Variants in LPP observed in about 807,000 individuals in gnomAD.
LPP encodes LIM domain containing preferred translocation partner in lipoma.
A neutral mutation model predicts 60.4 loss-of-function variants in LPP; 38 were observed. That is an observed-to-expected ratio of 0.63 (90% CI 0.49 to 0.83). The LOEUF (loss-of-function observed/expected upper bound fraction) is 0.83, where lower values mean the gene tolerates loss of function less well. Ranked by LOEUF, LPP falls within the 40% of genes least tolerant of loss-of-function variation. The pLI is 0.00. For missense variants in LPP, 902 were observed against 783.6 expected, an observed-to-expected ratio of 1.15 and a Z score of -1.80; for synonymous variants, 328 against 290.8, an observed-to-expected ratio of 1.13 and a Z score of -1.30.
At chr3:188,281,178 G>C (rs911627490) in intron 2 of LPP, among the ~76,000 whole-genome samples, 1 of 152,056 alleles carries the variant, frequency 6.6e-6, no homozygotes, top group African/African-American at 2.4e-5. Flanking sequence ...TCTTACTACT[G>C]TTTGTAGGAA....
chr3:188,302,313 T>G (rs928554918), intron 2 of LPP, among the ~76,000 whole-genome samples: 2 of 152,182 alleles, frequency 1.3e-5, no homozygotes, highest in African/African-American at 4.8e-5. Flanking sequence ...AACAGAGACT[T>G]GTTTGAATCT....
rs1023203019 is a variant in LPP, at chr3:188,610,850, C to T, written c.1113+1006C>T. 6.6e-6 allele frequency among the ~76,000 whole-genome samples: 1 copy of T among 152,106 alleles called. No individual in the cohort carries two copies. The highest frequency in any genetic ancestry group is 2.4e-5 in the African/African-American group (1 of 41,426). On this transcript the variant is annotated intron_variant, in intron 7 of 11. Coordinates refer to ENST00000617246, the MANE Select transcript of LPP (RefSeq NM_001375462.1). The surrounding 1 kb of genome is among the most constrained non-coding windows in gnomAD (Gnocchi z 4.4). ...TCCAGCCACTTGGGTTGGAAGAGTG[C>T]CCTTGCTTCTTTTCAGTTAGAACTG... is the stretch of plus-strand genomic sequence containing the variant.
At chr3:188,796,801 A>G (rs925094122) in intron 9 of LPP, among the ~76,000 whole-genome samples, 7 of 152,186 alleles carry the variant, frequency 4.6e-5, no homozygotes, top group African/African-American at 1.4e-4. Context: ...TTATTTTGAG[A>G]AATAGATCTA....
chr3:188,527,860 T>C (rs1821086605), intron 6 of LPP, among the ~76,000 whole-genome samples: 1 of 151,972 alleles, frequency 6.6e-6, no homozygotes, highest in Admixed American at 6.6e-5. Context: ...GCCATTCTCC[T>C]GCCTCAGCCT....
chr3:188,259,356 G>T (rs1183288396), intron 2 of LPP, among the ~76,000 whole-genome samples: 1 of 152,074 alleles, frequency 6.6e-6, no homozygotes, highest in African/African-American at 2.4e-5. Flanking sequence ...TCTAATTAAG[G>T]CCACTCTTTA....
At chr3:188,330,079 A>G (rs1474701371) in intron 2 of LPP, among the ~76,000 whole-genome samples, 2 of 152,024 alleles carry the variant, frequency 1.3e-5, no homozygotes, top group African/African-American at 4.8e-5. Context: ...TTCTAGAAAG[A>G]GGTTGCCCAA....
rs561468358 is a variant in LPP, at chr3:188,378,120, G to A, written c.-9-27992G>A. ...GTGAGGTGTCCGTCTGCCCCTACTG[G>A]GGGGTGCCTCCCAGTTAGGCTACTT... On this transcript the variant is annotated intron_variant, in intron 3 of 11. Coordinates refer to ENST00000617246, the MANE Select transcript of LPP (RefSeq NM_001375462.1). Among the ~76,000 whole-genome samples the A allele has an allele frequency of 2.0e-4, 30 of 152,326 alleles. No individual in the cohort carries two copies. In the South Asian group the frequency reaches 2.3e-3, roughly 12 times the overall value.
At chr3:188,427,161 C>T (rs906535710) in intron 4 of LPP, among the ~76,000 whole-genome samples, 1 of 152,152 alleles carries the variant, frequency 6.6e-6, no homozygotes, top group African/African-American at 2.4e-5. Flanking sequence ...TTGAGAAAAC[C>T]TCTCAGTGTT....
At chr3:188,573,771 A>G (rs1288483952) in intron 6 of LPP, among the ~76,000 whole-genome samples, 1 of 152,052 alleles carries the variant, frequency 6.6e-6, no homozygotes, top group Admixed American at 6.6e-5. Flanking sequence ...CTAAAACAGG[A>G]AGCCAGTGAC....
chr3:188,381,679 G>A (rs1397507916), intron 3 of LPP, among the ~76,000 whole-genome samples: 4 of 152,164 alleles, frequency 2.6e-5, no homozygotes, highest in African/African-American at 9.7e-5. Context: ...TGGGGGTAGC[G>A]TGAGAGTTGT....
chr3:188,755,253 G>A (rs745491426), intron 8 of LPP, among the ~76,000 whole-genome samples: 2 of 152,122 alleles, frequency 1.3e-5, no homozygotes, highest in African/African-American at 4.8e-5. Flanking sequence ...CTTTACATCT[G>A]CACATATTTA....
chr3:188,535,714 T>C (rs2150326267), intron 6 of LPP, among the ~76,000 whole-genome samples: 1 of 152,356 alleles, frequency 6.6e-6, no homozygotes, highest in Non-Finnish European at 1.5e-5. Context: ...GATGACAATG[T>C]ATTTTGTTAA....
At chr3:188,809,530 T>C (rs1346768756) in intron 9 of LPP, among the ~76,000 whole-genome samples, 1 of 152,194 alleles carries the variant, frequency 6.6e-6, no homozygotes, top group Non-Finnish European at 1.5e-5. Context: ...GATAAAGTTG[T>C]TTGGTTTTTT....
intron 9 of LPP, among the ~76,000 whole-genome samples, chr3:188,850,163 G>A (rs1465312285): frequency 2.0e-5 from 3 of 152,344 alleles, no homozygotes; most frequent in Non-Finnish European, 4.4e-5. Context: ...AGATCAATAT[G>A]ATGGTAGAAT....
chr3:188,870,156 A>G (rs950382276), intron 10 of LPP, among the ~76,000 whole-genome samples: 1 of 151,692 alleles, frequency 6.6e-6, no homozygotes, highest in Non-Finnish European at 1.5e-5. Context: ...GTGTGTATAT[A>G]CATATGTGTG....
intron 7 of LPP, among the ~76,000 whole-genome samples, chr3:188,622,899 A>G (rs898091028): frequency 3.3e-5 from 5 of 151,868 alleles, no homozygotes; most frequent in Non-Finnish European, 7.4e-5. Flanking sequence ...GTGGTGGCGC[A>G]TGCCTGTAAT....
intron 2 of LPP, among the ~76,000 whole-genome samples, chr3:188,258,073 C>G (rs912050099): frequency 1.3e-5 from 2 of 152,232 alleles, no homozygotes; most frequent in African/African-American, 4.8e-5. Context: ...TTCTGTGTGG[C>G]ATCTGCTGAC....
At chr3:188,557,372 T>C (rs1022826338) in intron 6 of LPP, among the ~76,000 whole-genome samples, 2 of 152,100 alleles carry the variant, frequency 1.3e-5, no homozygotes, top group Middle Eastern at 3.2e-3. Flanking sequence ...CTAGGAGGAC[T>C]ACATTAAGCA....
intron 7 of LPP, among the ~76,000 whole-genome samples, chr3:188,628,370 C>G (rs748908142): frequency 5.3e-5 from 8 of 151,372 alleles, no homozygotes; most frequent in Non-Finnish European, 1.2e-4. Context: ...TAATAAAGAA[C>G]AAACAAAGAG....
Sources: allele counts gnomAD v4.1 joint callset (sites outside exome capture counted in the v4.1 genomes callset), GRCh38; gene constraint gnomAD v4.1.1; non-coding constraint Gnocchi (gnomAD v3.1); transcripts MANE v1.5; gene names NCBI Gene and HGNC (gene_info 2026-07-23, HGNC 2026-07-21).